EIF4A1: variants seen among roughly 807,000 people sequenced by gnomAD.
The protein encoded by EIF4A1 is eukaryotic initiation factor 4A-I.
A neutral mutation model predicts 53.5 loss-of-function variants in EIF4A1; 11 were observed. That is an observed-to-expected ratio of 0.21 (90% CI 0.13 to 0.34). EIF4A1 has a LOEUF of 0.34. EIF4A1 is among the 10% of genes least tolerant of loss of function. The pLI, the probability that EIF4A1 is intolerant of heterozygous loss-of-function variation, is 1.00. For missense variants in EIF4A1, 213 were observed against 530.8 expected (o/e 0.40, Z 5.88); for synonymous variants, 237 against 186.7 (o/e 1.27, Z -2.20).
Position 7,577,397 on chromosome 17 carries a change from G to T in EIF4A1, c.678G>T (p.Lys226Asn). The T allele has an allele frequency of 6.2e-7, 1 of 1,614,160 alleles. No homozygotes were observed. Among genetic ancestry groups the T allele is most frequent in the Non-Finnish European group, 8.5e-7 (1 of 1,180,032 alleles). ...MPSDVLEVTK[K>N]FMRDPIRILV... Reference sequence around the variant, plus strand: ...CTGATGTGCTTGAGGTGACCAAGAAGTTCATGAGGGACCCCATTCGGATTC... The same window carrying T: ...CTGATGTGCTTGAGGTGACCAAGAATTTCATGAGGGACCCCATTCGGATTC... The change falls in exon 7 of 11, where the codon AAG (lysine) becomes AAT (asparagine). Residue 226 changes from lysine to asparagine, a missense_variant. Coordinates refer to ENST00000293831, the MANE Select transcript of EIF4A1 (RefSeq NM_001416.4). The surrounding 1 kb of genome is among the most constrained non-coding windows in gnomAD (Gnocchi z 4.7).
intron 1 of EIF4A1, 126 bp from the exon 2 acceptor site, chr17:7,574,125 TGGGAGCTGG>T: frequency 1.0e-6 from 1 of 962,738 alleles, no homozygotes; most frequent in Non-Finnish European, 1.6e-6. Flanking sequence ...GGGTATTTTT[TGGGAGCTGG>T]TGGGAGTTGG....
rs75223220 is a variant in EIF4A1 at position 7,576,998 on chromosome 17, A to G, written c.515-58A>G. 1.9e-6 allele frequency: 3 copies of G among 1,591,180 alleles called. No individual in the cohort carries two copies. In the South Asian group the frequency reaches 3.3e-5, roughly 18 times the overall value. ...GTTTTTTATCAGCGAAGTTGGATAT[A>G]TCTCTCCCACATTTCCCTAATCATA... On this transcript the variant is annotated intron_variant, in intron 5 of 10. Coordinates refer to ENST00000293831, the MANE Select transcript of EIF4A1 (RefSeq NM_001416.4).
At chr17:7,573,246 A>T (rs2071349103) in intron 1 of EIF4A1, 2 of 374,730 alleles carry the variant, frequency 5.3e-6, no homozygotes. Context: ...GTGCCGGGGG[A>T]GGGACGGCGC....
In EIF4A1 at chr17:7,572,999, A is replaced by T. The variant is rs1385238032; in HGVS notation, c.23+135A>T. ...CGGGTGGGGGGAGGGTCCGACTTGG[A>T]GGGGCGAGGGGGAAGACCCACGGCC... On this transcript the variant is annotated intron_variant, in intron 1 of 10. Transcript: ENST00000293831. 6 of 1,510,564 alleles carry T rather than the reference A, an allele frequency of 4.0e-6. No individual in the cohort carries two copies. The South Asian group carries it at 4.5e-5, about 11-fold the overall frequency. 93.6% of individuals were successfully genotyped at this position (1,510,564 alleles called of 1,614,324 possible).
At chr17:7,572,931 G>C (rs1350204814) in intron 1 of EIF4A1, 67 bp downstream of exon 1, 20 of 1,613,896 alleles carry the variant, frequency 1.2e-5, no homozygotes, top group Admixed American at 1.7e-5. Context: ...GGGCCCGCCG[G>C]GGGTAGCTGA....
Position 7,577,969 on chromosome 17 carries a change from C to G in EIF4A1, c.996+53C>G, listed in dbSNP as rs779551108. ...CAGAAGGGAGGATCCAAGGTGATTCCCTCTCCAAGGGGACATCAGTGCCTC... is the reference window on the plus strand; with the variant it reads ...CAGAAGGGAGGATCCAAGGTGATTCGCTCTCCAAGGGGACATCAGTGCCTC... On this transcript the variant is annotated intron_variant, in intron 9 of 10. Transcript: ENST00000293831. The surrounding 1 kb of genome is among the most constrained non-coding windows in gnomAD (Gnocchi z 4.7). 2.5e-6 allele frequency: 4 copies of G among 1,609,158 alleles called. No homozygotes were observed. The highest frequency in any genetic ancestry group is 3.4e-6 in the Non-Finnish European group (4 of 1,175,552).
In EIF4A1 at chr17:7,574,843, C is replaced by T. The variant is rs766776351; in HGVS notation, c.205+165C>T. 4.1e-6 allele frequency: 5 copies of T among 1,229,132 alleles called. No homozygotes were observed. In the South Asian group the frequency reaches 6.0e-5, roughly 15 times the overall value. The allele number at this position is 1,229,132 out of a possible 1,614,324, so 76.1% of individuals were successfully genotyped here. A position where few individuals can be genotyped will look rare whatever the true frequency, so the allele number is the denominator to read the frequency against. ...CCATGCCTGGTTCATGCCTTGGACA[C>T]ATAGGTTTCCTTTAAAGAGGTGGTA... On this transcript the variant is annotated intron_variant, in intron 3 of 10. Transcript: ENST00000293831.
Position 7,578,545 on chromosome 17 carries a change from C to G in EIF4A1, c.*59C>G, listed in dbSNP as rs1045348843. 1.3e-6 allele frequency: 2 copies of G among 1,493,316 alleles called. No individual in the cohort carries two copies. The highest frequency in any genetic ancestry group is 2.8e-5 in the African/African-American group (2 of 71,440). The allele number at this position is 1,493,316 out of a possible 1,614,324, so 92.5% of individuals were successfully genotyped here. ...TCAATCTCTGGGGGCTGAGGAGCAGCAGGAGGGGGGAGGGAAGGGAGCCAA... is the reference window on the plus strand; with the variant it reads ...TCAATCTCTGGGGGCTGAGGAGCAGGAGGAGGGGGGAGGGAAGGGAGCCAA... On this transcript the variant is annotated 3_prime_UTR_variant, in exon 11 of 11. Transcript: ENST00000293831.
At chr17:7,578,270 C>T in intron 10 of EIF4A1, 26 bp downstream of exon 10, 1 of 1,614,092 alleles carries the variant, frequency 6.2e-7, no homozygotes, top group South Asian at 1.1e-5. Context: ...GAACACTCCC[C>T]TACCCCTTCA....
chr17:7,576,430 G>A (rs1181035854), intron 4 of EIF4A1, 94 bp from the exon 5 acceptor site: 15 of 1,459,710 alleles, frequency 1.0e-5, no homozygotes, highest in Non-Finnish European at 1.4e-5. Flanking sequence ...ATGCCCCAAA[G>A]TTGTTGGTTA....
Position 7,577,368 on chromosome 17 carries a change from C to T in EIF4A1, c.649C>T (p.Pro217Ser), listed in dbSNP as rs1218638078. 1 of 1,614,010 alleles carries T rather than the reference C, an allele frequency of 6.2e-7. No homozygotes were observed. Reference sequence around the variant, plus strand: ...GGTAGTTTTGCTGTCAGCCACAATGCCTTCTGATGTGCTTGAGGTGACCAA... The same window carrying T: ...GGTAGTTTTGCTGTCAGCCACAATGTCTTCTGATGTGCTTGAGGTGACCAA... ...TQVVLLSATM[P>S]SDVLEVTKKF... Residue 217 changes from proline to serine, a missense_variant, in exon 7 of 11, where the codon CCT (proline) becomes TCT (serine). This residue lies in a region of EIF4A1 where 119 missense variants were observed against 351.0 expected (regional missense o/e 0.34). Coordinates refer to ENST00000293831, the MANE Select transcript of EIF4A1 (RefSeq NM_001416.4). This position sits in a 1 kb window ranked among gnomAD's most constrained non-coding sequence, Gnocchi z 4.7.
chr17:7,578,023 C>A (rs764454698), intron 9 of EIF4A1, 107 bp downstream of exon 9: 4 of 1,570,344 alleles, frequency 2.5e-6, no homozygotes, highest in Admixed American at 3.3e-5. Context: ...GGAATAGAAT[C>A]TGGCATGCCT....
intron 9 of EIF4A1, 36 bp from the exon 10 acceptor site, chr17:7,578,129 C>T (rs370672994): frequency 2.4e-5 from 39 of 1,613,510 alleles, no homozygotes; most frequent in African/African-American, 1.9e-4. Context: ...GAGTGTCCTC[C>T]GTGCACATGC....
At chr17:7,574,200 G>A in intron 1 of EIF4A1, 60 bp from the exon 2 acceptor site, 1 of 1,607,196 alleles carries the variant, frequency 6.2e-7, no homozygotes, top group Non-Finnish European at 8.5e-7. Context: ...GAGCCCGGCT[G>A]TCAGGATTTC....
intron 4 of EIF4A1, chr17:7,576,180 A>C (rs1248112359): frequency 5.6e-6 from 1 of 179,280 alleles, no homozygotes; most frequent in Admixed American, 6.1e-5. Context: ...AAAAAGAAAA[A>C]AAAAATGGTT....
At chr17:7,574,475 G>T in intron 2 of EIF4A1, 71 bp from the exon 3 acceptor site, 1 of 1,605,116 alleles carries the variant, frequency 6.2e-7, no homozygotes. Flanking sequence ...ACCAGATTCT[G>T]TTTGCTCGGA....
At chr17:7,576,172 AAAG>A (rs1264599567) in intron 4 of EIF4A1, 7 of 171,374 alleles carry the variant, frequency 4.1e-5, no homozygotes, top group Non-Finnish European at 6.1e-5. Flanking sequence ...TGTCTCAAAA[AAAG>A]AAAAAAAAAA....
In EIF4A1 at chr17:7,577,417, G is replaced by A. The variant is rs1261574473; in HGVS notation, c.698G>A (p.Arg233Gln). Residue 233 changes from arginine (R) to glutamine (Q), a missense_variant, in exon 7 of 11, where the codon CGG (arginine) becomes CAG (glutamine). Coordinates refer to ENST00000293831, the MANE Select transcript of EIF4A1 (RefSeq NM_001416.4). The surrounding 1 kb of genome is among the most constrained non-coding windows in gnomAD (Gnocchi z 4.7). ...VTKKFMRDPI[R>Q]ILVKKEELTL... Reference sequence around the variant, plus strand: ...AAGAAGTTCATGAGGGACCCCATTCGGATTCTTGTCAAGAAGGAAGAGTTG... The same window carrying A: ...AAGAAGTTCATGAGGGACCCCATTCAGATTCTTGTCAAGAAGGAAGAGTTG... 3.5e-5 allele frequency: 56 copies of A among 1,613,932 alleles called. No homozygotes were observed. Among genetic ancestry groups the A allele is most frequent in the Non-Finnish European group, 4.5e-5 (53 of 1,180,024 alleles).
intron 1 of EIF4A1, chr17:7,573,937 C>T: frequency 5.8e-6 from 2 of 344,224 alleles, no homozygotes; most frequent in Admixed American, 4.5e-5. Context: ...GGGCTTTAAG[C>T]GGCTGGGTCG....
Sources: allele counts gnomAD v4.1 joint callset, GRCh38; gene constraint gnomAD v4.1.1; regional missense constraint gnomAD v4.1.1; non-coding constraint Gnocchi (gnomAD v3.1); transcripts MANE v1.5; gene names NCBI Gene and HGNC (gene_info 2026-07-23, HGNC 2026-07-21).